IHO1: variants seen among roughly 807,000 people sequenced by gnomAD.
The protein encoded by IHO1 is interactor of HORMAD1 1.
In IHO1, 13 loss-of-function variants were observed where a neutral mutation model predicts 31.0. That is an observed-to-expected ratio of 0.42 (90% CI 0.27 to 0.67). IHO1 has a LOEUF of 0.67. Among genes scored for constraint, IHO1 ranks in the 30% least tolerant of loss-of-function variants. IHO1 has a pLI of 0.24. For missense variants in IHO1, 599 were observed against 687.5 expected, an observed-to-expected ratio of 0.87 and a Z score of 1.44; for synonymous variants, 221 against 248.4, an observed-to-expected ratio of 0.89 and a Z score of 1.04.
At chr3:49,195,917 A>G (rs559428616), upstream of IHO1, among the ~76,000 whole-genome samples, 21 of 150,184 alleles carry the variant, frequency 1.4e-4, no homozygotes, top group Admixed American at 2.7e-4. Context: ...TGGCTAACAC[A>G]GTGAAACCCC....
chr3:49,195,584 G>C (rs2045992085), upstream of IHO1, among the ~76,000 whole-genome samples: 2 of 151,096 alleles, frequency 1.3e-5, no homozygotes, highest in Non-Finnish European at 2.9e-5. Context: ...TGTGGTGGCA[G>C]TCGCCTGTAG....
upstream of IHO1, among the ~76,000 whole-genome samples, chr3:49,196,939 G>A (rs1444631358): frequency 6.7e-6 from 1 of 149,332 alleles, no homozygotes; most frequent in African/African-American, 2.5e-5. Context: ...CAGGGTGCTG[G>A]GATTACAGGA....
intron 7 of IHO1, 143 bp downstream of exon 7, chr3:49,255,636 G>A: frequency 5.9e-6 from 3 of 506,040 alleles, no homozygotes; most frequent in South Asian, 5.4e-5. Context: ...TGCAACCTCC[G>A]CCTCCCATGT....
Position 49,257,381 on chromosome 3 carries a change from C to A in IHO1, c.*99C>A. 1 of 1,255,052 alleles carries A rather than the reference C, an allele frequency of 8.0e-7. No individual in the cohort carries two copies. Among genetic ancestry groups the A allele is most frequent in the Non-Finnish European group, 1.1e-6 (1 of 890,262 alleles). The allele number at this position is 1,255,052 out of a possible 1,614,324, so 77.7% of individuals were successfully genotyped here. A position where few individuals can be genotyped will look rare whatever the true frequency, so the allele number is the denominator to read the frequency against. ...AAGTCCCTGAAGCCTGCCAAGTACC[C>A]AGGGTCAGAGGCCCTGCTGAGGTGG... is the stretch of plus-strand genomic sequence containing the variant. On this transcript the variant is annotated 3_prime_UTR_variant, in exon 8 of 8. Coordinates refer to ENST00000452691, the MANE Select transcript of IHO1 (RefSeq NM_001135197.2).
Position 49,241,273 on chromosome 3 carries a change from C to T in IHO1, c.279C>T (p.Phe93=), listed in dbSNP as rs759779846. ...AGTACCAGACAAAGCCCCAGCTGTTCGGAGGAGATATAAAAGATGGAGGTT... is the reference window on the plus strand; with the variant it reads ...AGTACCAGACAAAGCCCCAGCTGTTTGGAGGAGATATAAAAGATGGAGGTT... ...FTKYQTKPQL[F]GGDIKDGGLF... Residue 93 remains phenylalanine (F), a synonymous_variant, in exon 4 of 8, where the codon TTC becomes TTT. Transcript: ENST00000452691. 40 of 1,613,308 alleles carry T rather than the reference C, an allele frequency of 2.5e-5. No homozygotes were observed. Among genetic ancestry groups the T allele is most frequent in the Non-Finnish European group, 3.2e-5 (38 of 1,179,792 alleles).
In IHO1 at chr3:49,241,235, A is replaced by G; in HGVS notation, c.241A>G (p.Ser81Gly). 6.3e-7 allele frequency: 1 copy of G among 1,597,598 alleles called. No homozygotes were observed. Among genetic ancestry groups the G allele is most frequent in the Non-Finnish European group, 8.5e-7 (1 of 1,174,128 alleles). ...TTTTTTCATTTAACAGGGTGAACCT[A>G]GCATTTTCACAAAGTACCAGACAAA... is the stretch of plus-strand genomic sequence containing the variant. The part of the protein sequence containing the change: ...SQQNYLEGEP[S>G]IFTKYQTKPQ... The change falls in exon 4 of 8, where the codon AGC becomes GGC. Residue 81 changes from serine (S) to glycine (G), a missense_variant. Ser to Gly is a moderately conservative substitution (Grantham distance 56, BLOSUM62 0). Coordinates refer to ENST00000452691, the MANE Select transcript of IHO1 (RefSeq NM_001135197.2).
At chr3:49,197,811 T>C (rs1378352029), upstream of IHO1, among the ~76,000 whole-genome samples, 1 of 151,634 alleles carries the variant, frequency 6.6e-6, no homozygotes, top group African/African-American at 2.4e-5. Context: ...GAGGTGGAGG[T>C]TGTGGTGAGC....
intron 1 of IHO1, among the ~76,000 whole-genome samples, chr3:49,211,116 T>C (rs750976600): frequency 6.9e-4 from 105 of 151,082 alleles, no homozygotes; most frequent in Admixed American, 6.9e-3. Flanking sequence ...CATGCCATTC[T>C]CCTGCCCCGG....
intron 1 of IHO1, chr3:49,200,474 A>AAG (rs1553615432): frequency 1.9e-6 from 1 of 528,144 alleles, no homozygotes; most frequent in Admixed American, 7.7e-5. Context: ...CAAAAAAAAA[A>AAG]AAAAGAAAGA....
chr3:49,228,077 G>A (rs112319754), intron 2 of IHO1, among the ~76,000 whole-genome samples: 8 of 152,252 alleles, frequency 5.3e-5, no homozygotes, highest in African/African-American at 1.4e-4. Context: ...GACTAGCCTC[G>A]GAGAAGAGAG....
chr3:49,249,849 C>T (rs1434622623), intron 6 of IHO1, among the ~76,000 whole-genome samples: 1 of 152,182 alleles, frequency 6.6e-6, no homozygotes, highest in East Asian at 1.9e-4. Flanking sequence ...AGGCTCTCAT[C>T]AGCACCTGAG....
chr3:49,233,677 A>G (rs2046510139), intron 2 of IHO1, among the ~76,000 whole-genome samples: 1 of 152,238 alleles, frequency 6.6e-6, no homozygotes, highest in Admixed American at 6.5e-5. Context: ...TTTGCAAAAC[A>G]AAAAAGGGGG....
At chr3:49,204,212 T>C (rs2046105083) in intron 1 of IHO1, among the ~76,000 whole-genome samples, 1 of 152,170 alleles carries the variant, frequency 6.6e-6, no homozygotes, top group African/African-American at 2.4e-5. Context: ...TACCTCTTAA[T>C]ACTATCACAA....
chr3:49,211,605 A>G (rs1259920021), intron 1 of IHO1, among the ~76,000 whole-genome samples, 161 bp from the exon 2 acceptor site: 1 of 151,516 alleles, frequency 6.6e-6, no homozygotes, highest in East Asian at 1.9e-4. Context: ...ACTGGGTGAC[A>G]AGAGCAAAAC....
chr3:49,226,410 C>G (rs777905612), intron 2 of IHO1, among the ~76,000 whole-genome samples: 2 of 152,138 alleles, frequency 1.3e-5, no homozygotes, highest in Non-Finnish European at 2.9e-5. Flanking sequence ...TAAGGCTTCC[C>G]GTAACCGCGC....
chr3:49,233,797 C>G (rs892571048), intron 2 of IHO1, among the ~76,000 whole-genome samples: 2 of 152,166 alleles, frequency 1.3e-5, no homozygotes, highest in African/African-American at 2.4e-5. Flanking sequence ...GATGCCCATG[C>G]TGAAGGTTGT....
intron 2 of IHO1, among the ~76,000 whole-genome samples, chr3:49,224,207 G>A (rs1559443533): frequency 6.6e-6 from 1 of 152,350 alleles, no homozygotes; most frequent in East Asian, 1.9e-4. Flanking sequence ...TTCTGTTTCA[G>A]TCGGGGAATA....
chr3:49,201,901 G>A (rs1201100389), intron 1 of IHO1, among the ~76,000 whole-genome samples: 1 of 152,178 alleles, frequency 6.6e-6, no homozygotes, highest in Non-Finnish European at 1.5e-5. Flanking sequence ...CTGGTTAATA[G>A]AGTGAAGCCC....
intron 2 of IHO1, among the ~76,000 whole-genome samples, chr3:49,224,925 G>A (rs763652259): frequency 2.0e-5 from 3 of 152,044 alleles, no homozygotes; most frequent in Non-Finnish European, 2.9e-5. Flanking sequence ...GTCTGATAGC[G>A]ATAAACTTCC....
Sources: allele counts gnomAD v4.1 joint callset (sites outside exome capture counted in the v4.1 genomes callset), GRCh38; gene constraint gnomAD v4.1.1; transcripts MANE v1.5; gene names NCBI Gene and HGNC (gene_info 2026-07-23, HGNC 2026-07-21).